APP: variants seen among roughly 807,000 people sequenced by gnomAD.
APP encodes the protein amyloid beta precursor protein, also known as amyloid-beta precursor protein.
Under a neutral mutation model 101.4 loss-of-function variants are expected in APP, and 31 were observed. The ratio of observed to expected loss-of-function variants is 0.31; its 90% confidence interval spans 0.23 to 0.41. The LOEUF (loss-of-function observed/expected upper bound fraction) is 0.41. APP is among the 10% of genes least tolerant of loss of function. The pLI is 1.00. For synonymous variants in APP, 366 were observed against 364.4 expected (o/e 1.00, Z -0.05); for missense variants, 839 against 1,003.7 (o/e 0.84, Z 2.22).
At chr21:26,141,109 C>T (rs1231114870) in intron 1 of APP, among the ~76,000 whole-genome samples, 1 of 152,152 alleles carries the variant, frequency 6.6e-6, no homozygotes, top group Non-Finnish European at 1.5e-5. Flanking sequence ...CAACATGACG[C>T]CTGGCACCTA....
At chr21:25,905,159 AG>A in intron 14 of APP, 82 bp from the exon 15 acceptor site, 1 of 1,193,130 alleles carries the variant, frequency 8.4e-7, no homozygotes, top group Non-Finnish European at 1.2e-6. Flanking sequence ...ATAGTCGAGC[AG>A]GGAAAAAAGC....
intron 1 of APP, among the ~76,000 whole-genome samples, chr21:26,141,505 C>T (rs1486906631): frequency 6.6e-6 from 1 of 152,084 alleles, no homozygotes; most frequent in South Asian, 2.1e-4. Flanking sequence ...ACTTTGGGGA[C>T]AAGAGCTGAT....
At chr21:26,170,771 G>C (rs1472579525), upstream of APP, 1 of 827,508 alleles carries the variant, frequency 1.2e-6, no homozygotes, top group South Asian at 2.2e-5. Context: ...GGAAACTGAC[G>C]GAGCCCGAGC....
At chr21:26,015,458 C>T (rs763779714) in intron 6 of APP, among the ~76,000 whole-genome samples, 1 of 152,128 alleles carries the variant, frequency 6.6e-6, no homozygotes, top group Non-Finnish European at 1.5e-5. Context: ...TACAAATTTA[C>T]ACAGTTAGTA....
chr21:26,154,655 T>C (rs1008996338), intron 1 of APP, among the ~76,000 whole-genome samples: 9 of 152,136 alleles, frequency 5.9e-5, no homozygotes, highest in Admixed American at 3.3e-4. Context: ...TGCAGCAACA[T>C]GAAGCAGAAA....
chr21:26,053,187 C>G, intron 4 of APP, 49 bp downstream of exon 4: 1 of 1,370,858 alleles, frequency 7.3e-7, no homozygotes, highest in South Asian at 1.2e-5. Flanking sequence ...TTAAGCACGT[C>G]CCCAGGAAAT....
At chr21:26,040,427 C>T (rs1220469669) in intron 5 of APP, among the ~76,000 whole-genome samples, 2 of 152,000 alleles carry the variant, frequency 1.3e-5, no homozygotes, top group Non-Finnish European at 2.9e-5. Context: ...CATGGTGAAA[C>T]CTCGTCTCTA....
At chr21:25,902,036 C>T (rs1342719952) in intron 15 of APP, among the ~76,000 whole-genome samples, 1 of 152,094 alleles carries the variant, frequency 6.6e-6, no homozygotes, top group African/African-American at 2.4e-5. Flanking sequence ...GGCCACTATG[C>T]CCCCAAATCA....
chr21:25,965,608 T>C (rs3787630), intron 11 of APP, among the ~76,000 whole-genome samples: 4,675 of 152,270 alleles, frequency 0.031, 244 homozygotes, highest in East Asian at 0.16. Context: ...AAACATCACC[T>C]GGCATCTTTA....
chr21:25,957,634 T>C (rs1409899451), intron 11 of APP, among the ~76,000 whole-genome samples: 1 of 152,100 alleles, frequency 6.6e-6, no homozygotes, highest in Non-Finnish European at 1.5e-5. Context: ...ATTTCATTTT[T>C]CTCCCTTGTA....
chr21:25,888,463 C>T (rs2037482646), intron 17 of APP, among the ~76,000 whole-genome samples: 2 of 152,154 alleles, frequency 1.3e-5, no homozygotes, highest in South Asian at 4.1e-4. Flanking sequence ...CATTGCTGTA[C>T]AGACACACTA....
chr21:26,105,816 C>A (rs1276867779), intron 2 of APP, among the ~76,000 whole-genome samples: 1 of 152,186 alleles, frequency 6.6e-6, no homozygotes, highest in Non-Finnish European at 1.5e-5. Flanking sequence ...ATGATGCACT[C>A]CCTCACCTCG....
chr21:26,101,961 T>C (rs1029509397), intron 2 of APP, among the ~76,000 whole-genome samples: 2 of 151,974 alleles, frequency 1.3e-5, no homozygotes, highest in African/African-American at 2.4e-5. Context: ...GCCCAATAAA[T>C]ATAGACTAAA....
intron 1 of APP, among the ~76,000 whole-genome samples, chr21:26,160,022 A>G (rs2063458081): frequency 6.6e-6 from 1 of 152,150 alleles, no homozygotes; most frequent in Non-Finnish European, 1.5e-5. Flanking sequence ...TGTCCTGGAC[A>G]GCTCTAATGG....
intron 5 of APP, among the ~76,000 whole-genome samples, chr21:26,027,218 A>C (rs2044618380): frequency 6.6e-6 from 1 of 152,160 alleles, no homozygotes; most frequent in Non-Finnish European, 1.5e-5. Context: ...GCAACCAACC[A>C]GGGGAAAGCT....
At chr21:25,906,743 ATTGTACT>A (rs1195150426) in intron 14 of APP, among the ~76,000 whole-genome samples, 1 of 152,188 alleles carries the variant, frequency 6.6e-6, no homozygotes, top group Admixed American at 6.5e-5. Context: ...TTGAAAGGTC[ATTGTACT>A]TTGTGAGAAT....
At chr21:25,908,927 A>G (rs2038922918) in intron 14 of APP, among the ~76,000 whole-genome samples, 1 of 152,148 alleles carries the variant, frequency 6.6e-6, no homozygotes, top group African/African-American at 2.4e-5. Context: ...GGTATGGGGT[A>G]GTATTTAATA....
At chr21:26,132,702 A>T (rs1405960722) in intron 1 of APP, among the ~76,000 whole-genome samples, 1 of 152,206 alleles carries the variant, frequency 6.6e-6, no homozygotes. Flanking sequence ...TAAATACTTG[A>T]TTACTTCAAC....
chr21:25,955,684 C>T lies in APP; in HGVS notation c.1530G>A (p.Lys510=), dbSNP rs767201930. The T allele has an allele frequency of 1.2e-6, 2 of 1,614,172 alleles. No individual in the cohort carries two copies. Among genetic ancestry groups the T allele is most frequent in the Non-Finnish European group, 1.7e-6 (2 of 1,180,032 alleles). ...AEQKDRQHTL[K]HFEHVRMVDP... ...CCACCATGCGCACATGCTCGAAATG[C>T]TTTAGGGTGTGCTGTCTGTCCTTCT... The change falls in exon 12 of 18, where the codon AAG becomes AAA. Residue 510 remains lysine, a synonymous_variant. Coordinates refer to ENST00000346798, the MANE Select transcript of APP (RefSeq NM_000484.4).
Sources: allele counts gnomAD v4.1 joint callset (sites outside exome capture counted in the v4.1 genomes callset), GRCh38; gene constraint gnomAD v4.1.1; transcripts MANE v1.5; gene names NCBI Gene and HGNC (gene_info 2026-07-23, HGNC 2026-07-21).